The following CCSER1 variants were observed in gnomAD, a reference collection of about 807,000 sequenced individuals.
The protein encoded by CCSER1 is serine-rich coiled-coil domain-containing protein 1.
CCSER1 carries 41 observed loss-of-function variants against 82.0 expected under a neutral mutation model. The observed-to-expected ratio is 0.50, with a 90% CI of 0.39 to 0.65. The LOEUF is 0.65. Among genes scored for constraint, CCSER1 ranks in the 30% least tolerant of loss-of-function variants. CCSER1 has a pLI of 0.00. For synonymous variants in CCSER1, 414 were observed against 383.9 expected, an observed-to-expected ratio of 1.08 and a Z score of -0.92; for missense variants, 1,119 against 1,064.2, an observed-to-expected ratio of 1.05 and a Z score of -0.72.
At chr4:91,051,021 T>C (rs1295136375) in intron 9 of CCSER1, among the ~76,000 whole-genome samples, 1 of 152,204 alleles carries the variant, frequency 6.6e-6, no homozygotes, top group East Asian at 1.9e-4. Flanking sequence ...TGGAATTTCA[T>C]GCCATATATG....
chr4:90,667,190 G>A (rs950003440), intron 6 of CCSER1, among the ~76,000 whole-genome samples: 2 of 152,100 alleles, frequency 1.3e-5, no homozygotes, highest in East Asian at 3.9e-4. Context: ...GGGCTCATGG[G>A]TTCCAATCCT....
In CCSER1 at chr4:90,598,003, G is replaced by C. The variant is rs1051756316; in HGVS notation, c.1725-30022G>C. 5.9e-5 allele frequency among the ~76,000 whole-genome samples: 9 copies of C among 151,648 alleles called. No individual in the cohort carries two copies. The East Asian group carries it at 1.2e-3, about 20-fold the overall frequency. ...TTTTTTAAACGCTGAGTAATATTTT[G>C]TTGTATATATATCACATTTTCTTTC... On this transcript the variant is annotated intron_variant, in intron 5 of 10. Coordinates refer to ENST00000509176, the MANE Select transcript of CCSER1 (RefSeq NM_001145065.2).
chr4:91,384,378 T>C lies in CCSER1; in HGVS notation c.2218-214194T>C, dbSNP rs535057191. On this transcript the variant is annotated intron_variant, in intron 10 of 10. Coordinates refer to ENST00000509176, the MANE Select transcript of CCSER1 (RefSeq NM_001145065.2). ...AAGAAACACACTGATAAATGAGCGT[T>C]TCCGTTATTTTTTATTATTATTTAT... Among the ~76,000 whole-genome samples the C allele has an allele frequency of 1.1e-4, 17 of 149,480 alleles. 1 individual carries two copies. In the South Asian group the frequency reaches 3.0e-3, roughly 26 times the overall value.
intron 1 of CCSER1, among the ~76,000 whole-genome samples, chr4:90,189,857 A>G (rs1002477707): frequency 9.2e-5 from 14 of 152,022 alleles, no homozygotes; most frequent in Non-Finnish European, 1.5e-4. Flanking sequence ...GGTGAAAGGC[A>G]TATTTTCAAT....
chr4:90,566,746 A>G (rs577818884), intron 5 of CCSER1, among the ~76,000 whole-genome samples: 111 of 151,648 alleles, frequency 7.3e-4, no homozygotes, highest in Admixed American at 1.4e-3. Context: ...GGGACTACAG[A>G]CGCCCGCCAC....
chr4:90,634,602 A>C (rs545737569), intron 6 of CCSER1, among the ~76,000 whole-genome samples: 8 of 151,908 alleles, frequency 5.3e-5, no homozygotes, highest in South Asian at 2.1e-4. Flanking sequence ...TAACTAAATG[A>C]CATTTTCCTA....
intron 5 of CCSER1, among the ~76,000 whole-genome samples, chr4:90,619,730 G>A (rs1048980425): frequency 6.6e-6 from 1 of 152,040 alleles, no homozygotes; most frequent in African/African-American, 2.4e-5. Context: ...AAATATGTAT[G>A]TGTGTGTAAA....
At chr4:90,507,530 A>G (rs906813163) in intron 5 of CCSER1, among the ~76,000 whole-genome samples, 2 of 152,110 alleles carry the variant, frequency 1.3e-5, no homozygotes, top group Non-Finnish European at 2.9e-5. Context: ...AGAAATATAT[A>G]TATATGTATC....
chr4:90,382,655 A>G (rs1749383873), intron 3 of CCSER1, among the ~76,000 whole-genome samples: 1 of 152,148 alleles, frequency 6.6e-6, no homozygotes, highest in Admixed American at 6.5e-5. Flanking sequence ...GTAATTGCCT[A>G]TGATGTACTA....
intron 5 of CCSER1, among the ~76,000 whole-genome samples, chr4:90,489,924 T>A (rs1296954803): frequency 3.3e-5 from 5 of 152,224 alleles, no homozygotes; most frequent in African/African-American, 4.8e-5. Context: ...TCTATCATTG[T>A]TGGACATTTG....
At chr4:90,882,751 C>G (rs1025187619) in intron 8 of CCSER1, among the ~76,000 whole-genome samples, 1 of 151,632 alleles carries the variant, frequency 6.6e-6, no homozygotes, top group African/African-American at 2.4e-5. Flanking sequence ...CTAACTTTAA[C>G]ACTGAAAAAA....
chr4:90,931,977 T>A (rs1255823151), intron 9 of CCSER1, among the ~76,000 whole-genome samples: 2 of 152,138 alleles, frequency 1.3e-5, no homozygotes, highest in Admixed American at 6.5e-5. Flanking sequence ...CATAGAGAGC[T>A]AAAGGGAAAA....
At chr4:91,051,577 TG>T (rs1743010668) in intron 9 of CCSER1, among the ~76,000 whole-genome samples, 1 of 152,060 alleles carries the variant, frequency 6.6e-6, no homozygotes, top group South Asian at 2.1e-4. Flanking sequence ...TTTTCAGCAT[TG>T]TTTAAAGGGG....
rs545147675 is a variant in CCSER1, at chr4:91,209,615, G to C, written c.2217+123621G>C. ...GATGTGCAGCTGGATTTGGTTTTCT[G>C]ATACTTTGTCAAGGATATTCGCATC... On this transcript the variant is annotated intron_variant, in intron 10 of 10. Transcript: ENST00000509176. 1.3e-3 allele frequency among the ~76,000 whole-genome samples: 192 copies of C among 151,774 alleles called. 2 individuals carry two copies. Among genetic ancestry groups the C allele is most frequent in the African/African-American group, 4.3e-3 (179 of 41,450 alleles).
At chr4:90,648,791 G>A (rs1410654895) in intron 6 of CCSER1, among the ~76,000 whole-genome samples, 7 of 152,118 alleles carry the variant, frequency 4.6e-5, no homozygotes, top group African/African-American at 1.7e-4. Context: ...GTGGTATTTT[G>A]TTATGGCAGC....
intron 8 of CCSER1, among the ~76,000 whole-genome samples, chr4:90,864,346 A>G (rs1030030047): frequency 2.6e-5 from 4 of 151,980 alleles, no homozygotes; most frequent in African/African-American, 4.8e-5. Context: ...ACAACCTCCA[A>G]TGCAACAGTG....
At chr4:90,373,897 C>T (rs527343343) in intron 3 of CCSER1, among the ~76,000 whole-genome samples, 1 of 152,266 alleles carries the variant, frequency 6.6e-6, no homozygotes, top group South Asian at 2.1e-4. Context: ...GTAATGCAAA[C>T]CACTGCATGT....
intron 3 of CCSER1, among the ~76,000 whole-genome samples, chr4:90,314,052 T>C (rs1171191173): frequency 6.6e-6 from 1 of 152,198 alleles, no homozygotes; most frequent in Admixed American, 6.5e-5. Context: ...CTTAAGTTAG[T>C]AAGGTAACAT....
chr4:91,568,462 A>G lies in CCSER1; in HGVS notation c.2218-30110A>G, dbSNP rs1420129330. Among the ~76,000 whole-genome samples, 3 of 151,856 alleles carry G rather than the reference A, an allele frequency of 2.0e-5. No homozygotes were observed. In the East Asian group the frequency reaches 5.8e-4, roughly 29 times the overall value. Reference sequence around the variant, plus strand: ...ATGTTTTCCAAGTTGTTTGCTTTCTACCCTTTCCTTTCTGGGAAGCCAGTG... The same window carrying G: ...ATGTTTTCCAAGTTGTTTGCTTTCTGCCCTTTCCTTTCTGGGAAGCCAGTG... On this transcript the variant is annotated intron_variant, in intron 10 of 10. Coordinates refer to ENST00000509176, the MANE Select transcript of CCSER1 (RefSeq NM_001145065.2).
Sources: allele counts gnomAD v4.1 joint callset (sites outside exome capture counted in the v4.1 genomes callset), GRCh38; gene constraint gnomAD v4.1.1; transcripts MANE v1.5; gene names NCBI Gene and HGNC (gene_info 2026-07-23, HGNC 2026-07-21).